The following IFT88 variants were observed in gnomAD, a reference collection of about 807,000 sequenced individuals.
IFT88 encodes intraflagellar transport 88.
A neutral mutation model predicts 119.5 loss-of-function variants in IFT88; 74 were observed. The observed-to-expected ratio is 0.62, with a 90% CI of 0.51 to 0.75. The LOEUF is 0.75. Among genes scored for constraint, IFT88 ranks in the 30% least tolerant of loss-of-function variants. IFT88 has a pLI of 0.00. For synonymous variants in IFT88, 279 were observed against 316.7 expected (o/e 0.88, Z 1.26); for missense variants, 961 against 977.7 (o/e 0.98, Z 0.23).
At chr13:20,591,780 A>T in intron 6 of IFT88, 99 bp downstream of exon 6, 1 of 773,526 alleles carries the variant, frequency 1.3e-6, no homozygotes, top group Non-Finnish European at 2.1e-6. Flanking sequence ...AAAATCTAAC[A>T]ATGCCATTGA....
intron 24 of IFT88, among the ~76,000 whole-genome samples, chr13:20,671,758 G>A (rs6490601): frequency 0.23 from 34,763 of 152,004 alleles, 5,389 homozygotes; most frequent in East Asian, 0.69. Flanking sequence ...AATAAATGTC[G>A]AATTGGGGTC....
intron 8 of IFT88, 40 bp downstream of exon 8, chr13:20,596,280 T>C (rs2041627543): frequency 8.8e-6 from 8 of 913,216 alleles, no homozygotes; most frequent in African/African-American, 1.7e-5. Context: ...GAAGCATTTA[T>C]AGATGTATGT....
chr13:20,609,653 AG>A (rs2044121603), intron 13 of IFT88, among the ~76,000 whole-genome samples: 1 of 152,168 alleles, frequency 6.6e-6, no homozygotes, highest in South Asian at 2.1e-4. Flanking sequence ...CTGAGGCAGA[AG>A]AATCACTTGA....
chr13:20,652,214 A>C (rs778664895), intron 20 of IFT88, among the ~76,000 whole-genome samples: 2 of 152,230 alleles, frequency 1.3e-5, no homozygotes, highest in Non-Finnish European at 2.9e-5. Flanking sequence ...AAATTTTGGC[A>C]AATGTTATGT....
chr13:20,610,501 G>A (rs749007244), intron 13 of IFT88, among the ~76,000 whole-genome samples: 23 of 151,564 alleles, frequency 1.5e-4, no homozygotes, highest in Non-Finnish European at 2.5e-4. Flanking sequence ...TACGATTATA[G>A]TACCTGATTC....
intron 14 of IFT88, among the ~76,000 whole-genome samples, chr13:20,623,884 T>C (rs150352044): frequency 1.3e-5 from 2 of 152,370 alleles, no homozygotes; most frequent in Non-Finnish European, 2.9e-5. Context: ...GTATTCTTTT[T>C]GGCACTGTTG....
chr13:20,614,676 T>C (rs1423845272), intron 13 of IFT88, among the ~76,000 whole-genome samples: 1 of 152,186 alleles, frequency 6.6e-6, no homozygotes, highest in Non-Finnish European at 1.5e-5. Context: ...AAGATGTTAC[T>C]GTTGGAGGAA....
In IFT88 at chr13:20,624,999, C is replaced by T. The variant is rs115429164; in HGVS notation, c.1200-751C>T. Among the ~76,000 whole-genome samples, 460 of 152,244 alleles carry T rather than the reference C, an allele frequency of 3.0e-3. 1 individual carries two copies. The highest frequency in any genetic ancestry group is 0.011 in the African/African-American group (447 of 41,534). On this transcript the variant is annotated intron_variant, in intron 14 of 25. Transcript: ENST00000351808. The stretch of plus-strand genomic sequence containing the variant: ...AATAGATCTCTTCAACTTATTCCTT[C>T]GTCTAACTGAAATGTTGTGTTCTTT...
intron 14 of IFT88, among the ~76,000 whole-genome samples, chr13:20,619,838 C>A (rs1211376355): frequency 6.6e-6 from 1 of 152,068 alleles, no homozygotes; most frequent in Non-Finnish European, 1.5e-5. Context: ...TACACCCCCA[C>A]CAACAGTGCA....
chr13:20,580,835 C>G (rs1032697406), intron 2 of IFT88, among the ~76,000 whole-genome samples: 1 of 150,604 alleles, frequency 6.6e-6, no homozygotes, highest in African/African-American at 2.4e-5. Context: ...ATGCCATTCT[C>G]CTGCCTCAGC....
chr13:20,621,873 A>C (rs1318754333), intron 14 of IFT88, among the ~76,000 whole-genome samples: 1 of 152,044 alleles, frequency 6.6e-6, no homozygotes, highest in African/African-American at 2.4e-5. Flanking sequence ...TGCCCTAAAA[A>C]TCTCCTGTGT....
chr13:20,569,844 C>T (rs889605323), intron 1 of IFT88, among the ~76,000 whole-genome samples: 15 of 151,462 alleles, frequency 9.9e-5, no homozygotes, highest in East Asian at 7.8e-4. Context: ...CCGGCTAATA[C>T]GGTGAAACCC....
In IFT88 at chr13:20,591,621, G is replaced by A. The variant is rs1593905848; in HGVS notation, c.268G>A (p.Gly90Arg). 2.5e-6 allele frequency: 4 copies of A among 1,611,240 alleles called. No homozygotes were observed. Among genetic ancestry groups the A allele is most frequent in the Non-Finnish European group, 3.4e-6 (4 of 1,177,824 alleles). The change falls in exon 6 of 26, where the codon GGA becomes AGA. Residue 90 changes from glycine (G) to arginine (R), a missense_variant. Gly to Arg is a moderately radical substitution (Grantham distance 125). Coordinates refer to ENST00000351808, the MANE Select transcript of IFT88 (RefSeq NM_006531.5). The stretch of plus-strand genomic sequence containing the variant: ...ATGATTCCCATTCTCTTTAAAGGAT[G>A]GAGTTACTAGACCCATGACAGCAGT... ...GRPMTGAIQD[G>R]VTRPMTAVRA...
intron 20 of IFT88, among the ~76,000 whole-genome samples, chr13:20,651,076 G>A (rs956367962): frequency 3.9e-5 from 6 of 151,928 alleles, no homozygotes; most frequent in African/African-American, 1.5e-4. Flanking sequence ...GATTATTGTA[G>A]CATTAAAGCA....
At position 20,597,560 on chromosome 13, in the gene IFT88, T is replaced by G. The variant is rs111473819; in HGVS notation, c.594+441T>G. 1.2e-4 allele frequency among the ~76,000 whole-genome samples: 19 copies of G among 152,074 alleles called. No homozygotes were observed. In the South Asian group the frequency reaches 2.7e-3, roughly 22 times the overall value. Reference sequence around the variant, plus strand: ...GAAATCGAGACCATCCTGGCTAACATGGTGAAACCCCATCTCTACTAAAAA... The same window carrying G: ...GAAATCGAGACCATCCTGGCTAACAGGGTGAAACCCCATCTCTACTAAAAA... On this transcript the variant is annotated intron_variant, in intron 9 of 25. Coordinates refer to ENST00000351808, the MANE Select transcript of IFT88 (RefSeq NM_006531.5).
At chr13:20,674,727 T>A (rs61955670) in intron 24 of IFT88, among the ~76,000 whole-genome samples, 18,499 of 97,402 alleles carry the variant, frequency 0.19, 1,138 homozygotes, top group Non-Finnish European at 0.28. Context: ...TATATATATT[T>A]TTTTTTTTTT....
chr13:20,649,927 C>A (rs187975108), intron 20 of IFT88, among the ~76,000 whole-genome samples: 80 of 152,100 alleles, frequency 5.3e-4, no homozygotes, highest in African/African-American at 1.8e-3. Context: ...AAACCCAACT[C>A]AAGAAGAAAT....
chr13:20,587,815 C>T (rs1324923067), intron 3 of IFT88, among the ~76,000 whole-genome samples: 1 of 151,892 alleles, frequency 6.6e-6, no homozygotes, highest in Non-Finnish European at 1.5e-5. Context: ...TATGTCTTTC[C>T]TGTCTTTTTA....
At chr13:20,621,723 C>G in intron 14 of IFT88, among the ~76,000 whole-genome samples, 1 of 152,070 alleles carries the variant, frequency 6.6e-6, no homozygotes, top group East Asian at 1.9e-4. Flanking sequence ...TTGTTACAAT[C>G]AATGAACCAA....
Sources: gnomAD v4.1 joint callset for allele counts (sites outside exome capture counted in the v4.1 genomes callset) on GRCh38, gnomAD v4.1.1 for gene constraint, MANE v1.5 for transcripts, NCBI Gene and HGNC (gene_info 2026-07-23, HGNC 2026-07-21) for gene names.